XKR6: variants seen among roughly 807,000 people sequenced by gnomAD.
The protein encoded by XKR6 is XK related 6, also known as XK-related protein 6.
XKR6 carries 22 observed loss-of-function variants against 56.7 expected under a neutral mutation model. That is an observed-to-expected ratio of 0.39 (90% CI 0.28 to 0.55). The LOEUF (loss-of-function observed/expected upper bound fraction) is 0.55. Ranked by LOEUF, XKR6 falls within the 20% of genes least tolerant of loss-of-function variation. The pLI, the probability that XKR6 is intolerant of heterozygous loss-of-function variation, is 0.66. For missense variants in XKR6, 852 were observed against 889.0 expected (o/e 0.96, Z 0.53); for synonymous variants, 524 against 387.8 (o/e 1.35, Z -4.13).
chr8:11,007,583 G>T (rs976719649), intron 1 of XKR6, among the ~76,000 whole-genome samples: 20 of 152,272 alleles, frequency 1.3e-4, no homozygotes, highest in African/African-American at 4.3e-4. Flanking sequence ...CACAGATTAT[G>T]CCTGACCCAC....
At chr8:11,168,143 A>G (rs1008276288) in intron 1 of XKR6, among the ~76,000 whole-genome samples, 1 of 152,202 alleles carries the variant, frequency 6.6e-6, no homozygotes, top group African/African-American at 2.4e-5. Flanking sequence ...TTCAACAGCA[A>G]CAAAATCCTA....
intron 1 of XKR6, among the ~76,000 whole-genome samples, chr8:10,993,916 G>A (rs1404079156): frequency 2.0e-5 from 3 of 152,210 alleles, no homozygotes; most frequent in Non-Finnish European, 4.4e-5. Flanking sequence ...AGGGCCTGGA[G>A]TGAATTCTGC....
chr8:11,178,552 ATATATATATATATATATATATG>A (rs1802784677), intron 1 of XKR6, among the ~76,000 whole-genome samples: 3 of 117,222 alleles, frequency 2.6e-5, no homozygotes, highest in Non-Finnish European at 4.7e-5. Context: ...GTAAAAATAT[ATATATATATATATATATATATG>A]TATATATATA....
At chr8:11,146,591 T>C (rs543768853) in intron 1 of XKR6, among the ~76,000 whole-genome samples, 2 of 147,872 alleles carry the variant, frequency 1.4e-5, no homozygotes, top group Non-Finnish European at 3.0e-5. Flanking sequence ...ATCATGCCAC[T>C]GCACTCCTGC....
intron 1 of XKR6, among the ~76,000 whole-genome samples, chr8:10,997,657 C>A (rs1297337525): frequency 6.6e-6 from 1 of 152,082 alleles, no homozygotes; most frequent in East Asian, 1.9e-4. Context: ...TGTGGAAATG[C>A]AATGAGGGTG....
chr8:11,193,097 C>T (rs1227431656), intron 1 of XKR6, among the ~76,000 whole-genome samples: 4 of 152,196 alleles, frequency 2.6e-5, no homozygotes, highest in Non-Finnish European at 4.4e-5. Context: ...ATTATCAACC[C>T]TACCTTTCCT....
chr8:11,173,211 G>A (rs1041732980), intron 1 of XKR6, among the ~76,000 whole-genome samples: 1 of 151,446 alleles, frequency 6.6e-6, no homozygotes, highest in African/African-American at 2.4e-5. Context: ...GGGCGTGGTG[G>A]CGGGCGCCTG....
intron 1 of XKR6, among the ~76,000 whole-genome samples, chr8:10,969,551 A>G (rs1043601997): frequency 1.3e-5 from 2 of 152,212 alleles, no homozygotes; most frequent in Non-Finnish European, 2.9e-5. Flanking sequence ...CACACAGCTT[A>G]AGGGGAAATC....
At chr8:11,156,448 G>C (rs1258149411) in intron 1 of XKR6, among the ~76,000 whole-genome samples, 1 of 152,172 alleles carries the variant, frequency 6.6e-6, no homozygotes, top group East Asian at 1.9e-4. Flanking sequence ...CTGGAGGGCA[G>C]ACATTACATT....
chr8:10,988,690 G>T (rs1797920255), intron 1 of XKR6, among the ~76,000 whole-genome samples: 1 of 152,180 alleles, frequency 6.6e-6, no homozygotes, highest in Admixed American at 6.5e-5. Context: ...GAGAATGAAG[G>T]TATCACAGTC....
intron 1 of XKR6, among the ~76,000 whole-genome samples, chr8:11,047,330 A>T (rs1799435092): frequency 6.6e-6 from 1 of 152,220 alleles, no homozygotes; most frequent in South Asian, 2.1e-4. Context: ...TCATGAAACC[A>T]GTTGTAACAC....
chr8:11,003,951 G>A (rs1392912780), intron 1 of XKR6, among the ~76,000 whole-genome samples: 5 of 152,188 alleles, frequency 3.3e-5, no homozygotes, highest in Non-Finnish European at 7.3e-5. Flanking sequence ...TCAAGGAGAG[G>A]AGACAGCAGG....
intron 1 of XKR6, chr8:11,002,417 C>T (rs766709083): frequency 6.5e-5 from 26 of 400,990 alleles, no homozygotes; most frequent in Non-Finnish European, 1.2e-4. Context: ...GGGGGAGGCC[C>T]GCGTGCAGCA....
intron 1 of XKR6, among the ~76,000 whole-genome samples, chr8:11,110,779 A>G (rs1416717869): frequency 6.6e-6 from 1 of 152,020 alleles, no homozygotes; most frequent in Non-Finnish European, 1.5e-5. Context: ...ATTAGTCTAC[A>G]TTCTGAAAGT....
intron 1 of XKR6, among the ~76,000 whole-genome samples, chr8:11,177,356 C>T (rs1802712406): frequency 2.0e-5 from 3 of 152,204 alleles, no homozygotes; most frequent in Admixed American, 2.0e-4. Context: ...AGGAAGCAAA[C>T]TGCCTTCATT....
chr8:10,935,364 T>G (rs1005876783), intron 1 of XKR6, among the ~76,000 whole-genome samples: 1 of 131,744 alleles, frequency 7.6e-6, no homozygotes, highest in African/African-American at 3.2e-5. Context: ...CTGGATTCAT[T>G]GATTTTTTGA....
At chr8:10,990,895 CTTTTTTTTT>C (rs59410799) in intron 1 of XKR6, among the ~76,000 whole-genome samples, 1,632 of 73,610 alleles carry the variant, frequency 0.022, 59 homozygotes, top group African/African-American at 0.091. Context: ...TGGGGAATGT[CTTTTTTTTT>C]TTTTTTTTTT....
intron 1 of XKR6, among the ~76,000 whole-genome samples, chr8:11,111,157 T>C: frequency 6.6e-6 from 1 of 152,076 alleles, no homozygotes; most frequent in East Asian, 1.9e-4. Context: ...CCTGCCCAAC[T>C]TTCCATTTTT....
chr8:11,108,524 G>A lies in XKR6; in HGVS notation c.764+92052C>T, dbSNP rs952626690. ...AAATAAACCCACTAAGCCAGCAGGA[G>A]GCATTGCCTAGGAGGACTGTGGCTC... On this transcript the variant is annotated intron_variant, in intron 1 of 2. Transcript: ENST00000416569. The A allele has an allele frequency of 5.2e-5, 19 of 367,740 alleles. No individual in the cohort carries two copies. The East Asian group carries it at 1.4e-3, about 27-fold the overall frequency. The allele number at this position is 367,740 out of a possible 1,614,324, so 22.8% of individuals were successfully genotyped here.
Sources: gnomAD v4.1 joint callset for allele counts (sites outside exome capture counted in the v4.1 genomes callset) on GRCh38, gnomAD v4.1.1 for gene constraint, MANE v1.5 for transcripts, NCBI Gene and HGNC (gene_info 2026-07-23, HGNC 2026-07-21) for gene names.